The following ARFGEF1 variants were observed in gnomAD, a reference collection of about 807,000 sequenced individuals.
ARFGEF1 encodes the protein brefeldin A-inhibited guanine nucleotide-exchange protein 1.
Under a neutral mutation model 231.0 loss-of-function variants are expected in ARFGEF1, and 42 were observed. The ratio of observed to expected loss-of-function variants is 0.18; its 90% CI spans 0.14 to 0.24. ARFGEF1 has a LOEUF of 0.24. ARFGEF1 is among the 10% of genes least tolerant of loss of function. The pLI is 1.00. For synonymous variants in ARFGEF1, 710 were observed against 732.3 expected, an observed-to-expected ratio of 0.97 and a Z score of 0.49; for missense variants, 1,345 against 2,192.0, an observed-to-expected ratio of 0.61 and a Z score of 7.72.
At chr8:67,196,372 T>C (rs1243232302), downstream of ARFGEF1, 4 of 152,222 alleles carry the variant, frequency 2.6e-5, no homozygotes, top group Non-Finnish European at 5.9e-5. Flanking sequence ...TCTTCCACCA[T>C]GGAACCTTGG....
chr8:67,319,351 G>C (rs1415759697), intron 1 of ARFGEF1, among the ~76,000 whole-genome samples: 2 of 152,082 alleles, frequency 1.3e-5, no homozygotes, highest in African/African-American at 4.8e-5. Flanking sequence ...ACAATGTAGT[G>C]TTAAAGACAG....
intron 7 of ARFGEF1, among the ~76,000 whole-genome samples, chr8:67,279,991 CA>C (rs542226673): frequency 1.4e-4 from 21 of 145,660 alleles, no homozygotes; most frequent in Admixed American, 2.0e-4. Flanking sequence ...ACTGAAATTA[CA>C]AAAAAAAAAT....
intron 1 of ARFGEF1, among the ~76,000 whole-genome samples, chr8:67,302,962 T>C (rs974332932): frequency 2.0e-5 from 3 of 147,866 alleles, no homozygotes; most frequent in Middle Eastern, 7.1e-3. Context: ...TGGTGGTGTA[T>C]GCCTACAGTC....
intron 5 of ARFGEF1, among the ~76,000 whole-genome samples, chr8:67,188,952 C>T (rs1248134549): frequency 2.0e-5 from 3 of 151,962 alleles, no homozygotes; most frequent in African/African-American, 7.3e-5. Context: ...GGCCAAGAAC[C>T]CCAGGTCAGA....
intron 22 of ARFGEF1, among the ~76,000 whole-genome samples, chr8:67,235,109 TACACACACACACAC>T (rs1839683283): frequency 2.0e-5 from 3 of 147,188 alleles, no homozygotes; most frequent in Admixed American, 6.8e-5. Flanking sequence ...TGTATATATA[TACACACACACACAC>T]GTGTCAAAAT....
chr8:67,284,091 G>A (rs993765083), intron 7 of ARFGEF1, among the ~76,000 whole-genome samples: 9 of 152,110 alleles, frequency 5.9e-5, no homozygotes, highest in African/African-American at 1.7e-4. Flanking sequence ...AGTACAACAG[G>A]GGGCTGGCTG....
chr8:67,193,670 C>CT, downstream of ARFGEF1: 2 of 1,360,102 alleles, frequency 1.5e-6, no homozygotes, highest in Non-Finnish European at 2.1e-6. Flanking sequence ...TTACTCAAGG[C>CT]TTTCACTAAC....
chr8:67,185,296 T>A (rs1834273350), intron 5 of ARFGEF1, among the ~76,000 whole-genome samples: 1 of 152,200 alleles, frequency 6.6e-6, no homozygotes, highest in Non-Finnish European at 1.5e-5. Context: ...CCCAGAACTA[T>A]CTTTTCGGTT....
At chr8:67,276,250 G>T in intron 8 of ARFGEF1, 141 bp from the exon 9 acceptor site, 1 of 866,016 alleles carries the variant, frequency 1.2e-6, no homozygotes, top group Non-Finnish European at 1.7e-6. Context: ...GAGGGAATCT[G>T]CCACGTTGTT....
intron 1 of ARFGEF1, among the ~76,000 whole-genome samples, chr8:67,309,527 C>T (rs995757280): frequency 1.3e-5 from 2 of 152,178 alleles, no homozygotes; most frequent in African/African-American, 4.8e-5. Flanking sequence ...ACCTTCCCTA[C>T]TTATGATTAT....
intron 34 of ARFGEF1, among the ~76,000 whole-genome samples, chr8:67,209,423 G>A (rs1838642535): frequency 6.6e-6 from 1 of 151,590 alleles, no homozygotes; most frequent in Admixed American, 6.6e-5. Context: ...CTGGGGAAGA[G>A]GAGAAGAAGA....
At chr8:67,336,886 C>G (rs778470624) in intron 1 of ARFGEF1, among the ~76,000 whole-genome samples, 5 of 151,774 alleles carry the variant, frequency 3.3e-5, no homozygotes, top group Non-Finnish European at 7.4e-5. Context: ...ATCCCAGCAC[C>G]TTGGGAGGCC....
chr8:67,211,228 C>G (rs1838734168), intron 34 of ARFGEF1, among the ~76,000 whole-genome samples: 1 of 151,324 alleles, frequency 6.6e-6, no homozygotes, highest in Non-Finnish European at 1.5e-5. Flanking sequence ...CTTGTAGTCC[C>G]AGCTACCCGG....
At chr8:67,271,025 C>CAAAAAAAAAAAAAAAAAAAAAAAAAAA (rs36063944) in intron 10 of ARFGEF1, among the ~76,000 whole-genome samples, 6 of 36,106 alleles carry the variant, frequency 1.7e-4, no homozygotes, top group Admixed American at 4.1e-4. Context: ...ACTCCATCTC[C>CAAAAAAAAAAAAAAAAAAAAAAAAAAA]AAAAAAAAAA....
intron 36 of ARFGEF1, among the ~76,000 whole-genome samples, 170 bp downstream of exon 36, chr8:67,202,913 T>G (rs920334223): frequency 6.6e-6 from 1 of 152,188 alleles, no homozygotes; most frequent in Admixed American, 6.6e-5. Context: ...TGGCTTACTG[T>G]AGACCAGAAA....
At chr8:67,294,697 T>C (rs897575833) in intron 5 of ARFGEF1, among the ~76,000 whole-genome samples, 6 of 152,138 alleles carry the variant, frequency 3.9e-5, no homozygotes, top group African/African-American at 9.7e-5. Flanking sequence ...TATGAACACA[T>C]GGTTTTATTA....
At chr8:67,318,572 GA>G (rs1197555873) in intron 1 of ARFGEF1, among the ~76,000 whole-genome samples, 2 of 152,024 alleles carry the variant, frequency 1.3e-5, no homozygotes, top group African/African-American at 4.8e-5. Context: ...TCTTGAAGAA[GA>G]AAAAAACTCT....
intron 1 of ARFGEF1, among the ~76,000 whole-genome samples, chr8:67,328,902 G>A (rs574623431): frequency 4.0e-4 from 61 of 152,270 alleles, no homozygotes; most frequent in African/African-American, 1.4e-3. Context: ...TCAAAAAAAG[G>A]AATGGAAATA....
intron 1 of ARFGEF1, among the ~76,000 whole-genome samples, chr8:67,327,755 C>T (rs556491716): frequency 1.3e-5 from 2 of 152,220 alleles, no homozygotes; most frequent in Non-Finnish European, 2.9e-5. Flanking sequence ...TATACCTACA[C>T]ATATTTGTTC....
Sources: allele counts gnomAD v4.1 joint callset (sites outside exome capture counted in the v4.1 genomes callset), GRCh38; gene constraint gnomAD v4.1.1; transcripts MANE v1.5; gene names NCBI Gene and HGNC (gene_info 2026-07-23, HGNC 2026-07-21).